The following RBFOX1 variants were observed in gnomAD, a reference collection of about 807,000 sequenced individuals.
RBFOX1 encodes RNA binding fox-1 homolog 1.
In RBFOX1, 8 loss-of-function variants were observed where a neutral mutation model predicts 57.7. The ratio of observed to expected loss-of-function variants is 0.14; its 90% CI spans 0.08 to 0.25. The LOEUF is 0.25. Among genes scored for constraint, RBFOX1 ranks in the 10% least tolerant of loss-of-function variants. The pLI, the probability that RBFOX1 is intolerant of heterozygous loss-of-function variation, is 1.00. For synonymous variants in RBFOX1, 326 were observed against 222.4 expected (o/e 1.47, Z -4.15); for missense variants, 611 against 548.5 (o/e 1.11, Z -1.14).
intron 1 of RBFOX1, among the ~76,000 whole-genome samples, chr16:5,385,776 G>C (rs945712674): frequency 1.3e-5 from 2 of 152,152 alleles, no homozygotes; most frequent in African/African-American, 4.8e-5. Context: ...CTCTGCACTC[G>C]AGCAGTGGCC....
intron 4 of RBFOX1, among the ~76,000 whole-genome samples, chr16:7,168,684 C>G (rs1357421890): frequency 6.6e-6 from 1 of 152,152 alleles, no homozygotes; most frequent in Non-Finnish European, 1.5e-5. Context: ...AACTTCCTTT[C>G]CTTCCTGTTA....
rs143647378 is a variant in RBFOX1 at position 5,639,233 on chromosome 16, C to T, written c.318+40272C>T. ...TGTGTGCACACATTTCATCTATGTA[C>T]GTAAGGGAATGCCCCCACTAATTGC... On this transcript the variant is annotated intron_variant, in intron 3 of 19. Transcript: ENST00000641259. 9.5e-4 allele frequency among the ~76,000 whole-genome samples: 145 copies of T among 152,274 alleles called. 1 individual carries two copies. Among genetic ancestry groups the T allele is most frequent in the African/African-American group, 2.6e-3 (108 of 41,540 alleles).
intron 4 of RBFOX1, among the ~76,000 whole-genome samples, chr16:7,106,049 C>G (rs76639428): frequency 1.5e-3 from 226 of 152,274 alleles, no homozygotes; most frequent in African/African-American, 5.3e-3. Flanking sequence ...ACTGACAGTT[C>G]TGGAATATTT....
At chr16:6,312,691 TC>T (rs1404630576) in intron 1 of RBFOX1, among the ~76,000 whole-genome samples, 3 of 149,006 alleles carry the variant, frequency 2.0e-5, no homozygotes, top group Non-Finnish European at 4.5e-5. Context: ...CTTCCTTCCT[TC>T]CTTCCTTCCT....
chr16:5,266,847 C>G (rs1408890293), intron 1 of RBFOX1, among the ~76,000 whole-genome samples: 1 of 152,058 alleles, frequency 6.6e-6, no homozygotes, highest in Non-Finnish European at 1.5e-5. Flanking sequence ...GCATGAGCCA[C>G]TGCGCCTGGC....
At chr16:6,466,519 A>G (rs1489621869) in intron 2 of RBFOX1, among the ~76,000 whole-genome samples, 1 of 152,148 alleles carries the variant, frequency 6.6e-6, no homozygotes, top group Non-Finnish European at 1.5e-5. Context: ...CCAGAATTCA[A>G]CCTTAGATAT....
At chr16:7,484,619 G>A (rs1482530879) in intron 4 of RBFOX1, among the ~76,000 whole-genome samples, 1 of 152,054 alleles carries the variant, frequency 6.6e-6, no homozygotes, top group Non-Finnish European at 1.5e-5. Context: ...CCCACTACCA[G>A]AGCTGGCTAA....
intron 2 of RBFOX1, among the ~76,000 whole-genome samples, chr16:5,528,028 C>A (rs1250477476): frequency 6.6e-6 from 1 of 152,176 alleles, no homozygotes; most frequent in Non-Finnish European, 1.5e-5. Flanking sequence ...CATTATACAT[C>A]ACTAATGGGT....
chr16:7,505,067 C>G lies in RBFOX1; in HGVS notation c.28-13080C>G, dbSNP rs1478619749. Among the ~76,000 whole-genome samples, 5 of 151,072 alleles carry G rather than the reference C, an allele frequency of 3.3e-5. No homozygotes were observed. In the South Asian group the frequency reaches 6.3e-4, roughly 19 times the overall value. On this transcript the variant is annotated intron_variant, in intron 4 of 15. Transcript: ENST00000550418. ...GGTTTTGACCTTGCTCTCAGTGCCC[C>G]GAGGTGCTGAGTGAGTCAGAACATG...
At chr16:7,231,993 A>C (rs145794515) in intron 4 of RBFOX1, among the ~76,000 whole-genome samples, 71 of 152,282 alleles carry the variant, frequency 4.7e-4, no homozygotes, top group Middle Eastern at 3.4e-3. Flanking sequence ...TGGTGGTTGC[A>C]TAACATTTGT....
At chr16:6,644,148 T>G (rs1291654996) in intron 2 of RBFOX1, among the ~76,000 whole-genome samples, 3 of 152,114 alleles carry the variant, frequency 2.0e-5, no homozygotes, top group African/African-American at 7.2e-5. Context: ...GTAGGTTGCA[T>G]AAAATCACCA....
intron 1 of RBFOX1, among the ~76,000 whole-genome samples, chr16:6,284,262 G>T (rs978280082): frequency 6.6e-6 from 1 of 152,046 alleles, no homozygotes; most frequent in Non-Finnish European, 1.5e-5. Flanking sequence ...CAGTTTGCTC[G>T]ATCTCTTTTC....
At chr16:6,059,172 G>T (rs1228747768) in intron 1 of RBFOX1, 1 of 152,134 alleles carries the variant, frequency 6.6e-6, no homozygotes, top group Non-Finnish European at 1.5e-5. Context: ...ATCTGGACTT[G>T]GAGTAAAGGT....
At chr16:7,506,042 G>C (rs1180380345) in intron 4 of RBFOX1, among the ~76,000 whole-genome samples, 1 of 151,786 alleles carries the variant, frequency 6.6e-6, no homozygotes, top group East Asian at 1.9e-4. Context: ...AAAGATAGCC[G>C]GGCATGGTGA....
Position 7,630,597 on chromosome 16 carries a change from T to TC in RBFOX1, c.677-5dup. On this transcript the variant is annotated splice_polypyrimidine_tract_variant and splice_region_variant and intron_variant, in intron 10 of 15. Coordinates refer to ENST00000550418, the MANE Select transcript of RBFOX1 (RefSeq NM_018723.4). Reference sequence around the variant, plus strand: ...ACCAGATACCATCTCTCTCTCTCTTTCGTAGGCACGGTCCTGTTGTGCCAG... The same window carrying TC: ...ACCAGATACCATCTCTCTCTCTCTTTCCGTAGGCACGGTCCTGTTGTGCCAG... 6.2e-7 allele frequency: 1 copy of TC among 1,614,114 alleles called. No homozygotes were observed. The highest frequency in any genetic ancestry group is 8.5e-7 in the Non-Finnish European group (1 of 1,180,026).
At chr16:6,840,207 G>C (rs1301497692) in intron 3 of RBFOX1, among the ~76,000 whole-genome samples, 1 of 152,094 alleles carries the variant, frequency 6.6e-6, no homozygotes, top group East Asian at 1.9e-4. Context: ...GGAAATTCTA[G>C]ACTAAAAAGA....
intron 3 of RBFOX1, among the ~76,000 whole-genome samples, chr16:5,703,795 A>G (rs1315594458): frequency 6.6e-6 from 1 of 152,186 alleles, no homozygotes. Context: ...GAGTATATAT[A>G]TATGTGTACA....
chr16:6,874,662 C>G (rs552064470), intron 3 of RBFOX1, among the ~76,000 whole-genome samples: 1 of 151,982 alleles, frequency 6.6e-6, no homozygotes, highest in East Asian at 1.9e-4. Context: ...TTTCCATTCC[C>G]GAGTTCCTTA....
At chr16:7,607,095 C>T (rs1013432144) in intron 9 of RBFOX1, among the ~76,000 whole-genome samples, 190 bp from the exon 10 acceptor site, 3 of 152,058 alleles carry the variant, frequency 2.0e-5, no homozygotes, top group Admixed American at 6.6e-5. Context: ...GGCAGAAAAT[C>T]AAAGAAGGGC....
Sources: allele counts gnomAD v4.1 joint callset (sites outside exome capture counted in the v4.1 genomes callset), GRCh38; gene constraint gnomAD v4.1.1; transcripts MANE v1.5; gene names NCBI Gene and HGNC (gene_info 2026-07-23, HGNC 2026-07-21).